Variants in KIF27 observed in about 807,000 individuals in gnomAD.
The protein encoded by KIF27 is kinesin-like protein KIF27.
Under a neutral mutation model 141.8 loss-of-function variants are expected in KIF27, and 84 were observed. The observed-to-expected ratio is 0.59, with a 90% CI of 0.50 to 0.71. The LOEUF (loss-of-function observed/expected upper bound fraction) is 0.71. Ranked by LOEUF, KIF27 falls within the 30% of genes least tolerant of loss-of-function variation. The pLI is 0.00. For synonymous variants in KIF27, 471 were observed against 569.5 expected, an observed-to-expected ratio of 0.83 and a Z score of 2.46; for missense variants, 1,306 against 1,628.4, an observed-to-expected ratio of 0.80 and a Z score of 3.41.
rs191524773 is a variant in KIF27 at position 83,836,089 on chromosome 9, C to T, written c.*912G>A. ...ATTTACAGCCCCAGTGTAGTTTGGC[C>T]GGTGTGCAAAGCCTGACTAAGGAGG... On this transcript the variant is annotated 3_prime_UTR_variant, in exon 18 of 18. Transcript: ENST00000297814. 3.0e-4 allele frequency among the ~76,000 whole-genome samples: 46 copies of T among 152,148 alleles called. No homozygotes were observed. Among genetic ancestry groups the T allele is most frequent in the Non-Finnish European group, 4.4e-4 (30 of 67,994 alleles).
chr9:83,893,158 G>C (rs1351905043), intron 5 of KIF27, among the ~76,000 whole-genome samples: 4 of 152,174 alleles, frequency 2.6e-5, no homozygotes, highest in Admixed American at 2.6e-4. Context: ...GACTGCTTGA[G>C]CCCAGGAGGT....
At chr9:83,920,258 A>G (rs1444964677) in intron 1 of KIF27, among the ~76,000 whole-genome samples, 2 of 152,236 alleles carry the variant, frequency 1.3e-5, no homozygotes, top group African/African-American at 4.8e-5. Flanking sequence ...GTCCACAAAC[A>G]TAGGGCTTGT....
chr9:83,863,644 T>G (rs1251851257), intron 13 of KIF27: 1 of 152,130 alleles, frequency 6.6e-6, no homozygotes, highest in African/African-American at 2.4e-5. Context: ...TCTCTTTTTT[T>G]GTTGTGTCTC....
chr9:83,838,113 CAA>C (rs2131438953), intron 17 of KIF27, among the ~76,000 whole-genome samples: 1 of 152,260 alleles, frequency 6.6e-6, no homozygotes, highest in Admixed American at 6.5e-5. Flanking sequence ...TATCTAATAG[CAA>C]AGACAAAAAC....
At chr9:83,914,282 T>C (rs1955479043) in intron 2 of KIF27, among the ~76,000 whole-genome samples, 1 of 151,826 alleles carries the variant, frequency 6.6e-6, no homozygotes, top group East Asian at 1.9e-4. Context: ...TTCTTTTTAT[T>C]GTAAGACGCT....
chr9:83,879,942 G>A (rs1951539230), intron 11 of KIF27, among the ~76,000 whole-genome samples: 1 of 152,148 alleles, frequency 6.6e-6, no homozygotes. Flanking sequence ...CATGGACAAC[G>A]CATGTCAAAG....
rs1947663817 is a variant in KIF27 at position 83,848,114 on chromosome 9, C to CTGATATATCATATATA, written c.3556+1984_3556+1985insTATATATGATATATCA. On this transcript the variant is annotated intron_variant, in intron 16 of 17. Transcript: ENST00000297814. ...ATATGATATATATGATATCTCATAT[C>CTGATATATCATATATA]TGATATATCTGATATCTCATATATG... is the stretch of plus-strand genomic sequence containing the variant. 1.6e-4 allele frequency among the ~76,000 whole-genome samples: 5 copies of CTGATATATCATATATA among 31,858 alleles called. 2 individuals are homozygous for CTGATATATCATATATA. The highest frequency in any genetic ancestry group is 2.7e-4 in the Non-Finnish European group (5 of 18,238). The allele number at this position is 31,858 out of a possible 152,430, so 20.9% of individuals were successfully genotyped here.
At chr9:83,909,853 A>G (rs1285727601) in intron 2 of KIF27, among the ~76,000 whole-genome samples, 1 of 152,088 alleles carries the variant, frequency 6.6e-6, no homozygotes, top group Non-Finnish European at 1.5e-5. Flanking sequence ...GCTTGAGCTA[A>G]GAAGTTTGAG....
At chr9:83,914,393 C>G (rs371416355) in intron 2 of KIF27, among the ~76,000 whole-genome samples, 2 of 152,056 alleles carry the variant, frequency 1.3e-5, no homozygotes, top group East Asian at 3.9e-4. Flanking sequence ...CCATTTTAAT[C>G]TTTGCAATAA....
chr9:83,848,464 CTATATG>C (rs1948104977), intron 16 of KIF27, among the ~76,000 whole-genome samples: 1 of 137,736 alleles, frequency 7.3e-6, no homozygotes, highest in African/African-American at 2.7e-5. Context: ...ATATCTATAT[CTATATG>C]TATATATACA....
Position 83,878,248 on chromosome 9 carries a change from A to C in KIF27, c.2643+2049T>G, listed in dbSNP as rs1951389943. On this transcript the variant is annotated intron_variant, in intron 11 of 17. Coordinates refer to ENST00000297814, the MANE Select transcript of KIF27 (RefSeq NM_017576.4). ...ATGACTATAATTAAAAAAAGGAAAG[A>C]AACAGGTGTTGACAAAAGTGAGGAG... Among the ~76,000 whole-genome samples the C allele has an allele frequency of 4.0e-5, 6 of 151,294 alleles. No homozygotes were observed. The South Asian group carries it at 1.3e-3, about 32-fold the overall frequency.
At chr9:83,853,980 C>T (rs751379277) in intron 14 of KIF27, 145 bp from the exon 15 acceptor site, 1 of 634,910 alleles carries the variant, frequency 1.6e-6, no homozygotes, top group Non-Finnish European at 2.8e-6. Context: ...TGAGCGCTTG[C>T]TATGCCACAT....
rs925252178 is a variant in KIF27, at chr9:83,917,103, G to C, written c.-87-1425C>G. Among the ~76,000 whole-genome samples, 21 of 151,828 alleles carry C rather than the reference G, an allele frequency of 1.4e-4. 1 individual carries two copies. Among genetic ancestry groups the C allele is most frequent in the Middle Eastern group, 6.8e-3 (2 of 292 alleles). On this transcript the variant is annotated intron_variant, in intron 1 of 17. Transcript: ENST00000297814. Reference sequence around the variant, plus strand: ...ACCCATTAACTTGTCATTTACATTAGGTATATCTCCTAATGCTATCCCTCC... The same window carrying C: ...ACCCATTAACTTGTCATTTACATTACGTATATCTCCTAATGCTATCCCTCC...
intron 9 of KIF27, among the ~76,000 whole-genome samples, chr9:83,885,395 T>C (rs182662739): frequency 1.3e-5 from 2 of 152,216 alleles, no homozygotes; most frequent in Admixed American, 1.3e-4. Context: ...GCCCAGCCTA[T>C]TATACTATTT....
At chr9:83,907,418 G>A (rs1173862109) in intron 3 of KIF27, among the ~76,000 whole-genome samples, 1 of 151,856 alleles carries the variant, frequency 6.6e-6, no homozygotes, top group Admixed American at 6.6e-5. Flanking sequence ...TAGGATTAAA[G>A]ATAATCTTTT....
intron 5 of KIF27, among the ~76,000 whole-genome samples, chr9:83,899,123 T>C (rs1450735982): frequency 6.6e-6 from 1 of 152,208 alleles, no homozygotes; most frequent in African/African-American, 2.4e-5. Context: ...CTTTAAATGA[T>C]ATTAACTATT....
At chr9:83,849,408 C>G (rs1033429181) in intron 16 of KIF27, 1 of 152,188 alleles carries the variant, frequency 6.6e-6, no homozygotes, top group Non-Finnish European at 1.5e-5. Flanking sequence ...CTACTTTCAG[C>G]TATGGATTCA....
intron 14 of KIF27, 70 bp from the exon 15 acceptor site, chr9:83,853,905 C>T: frequency 8.7e-7 from 1 of 1,154,730 alleles, no homozygotes; most frequent in Non-Finnish European, 1.3e-6. Flanking sequence ...TACTCAGATC[C>T]TCCTAAGCTA....
chr9:83,863,605 A>T (rs930630797), intron 13 of KIF27: 7 of 152,170 alleles, frequency 4.6e-5, no homozygotes, highest in Non-Finnish European at 1.0e-4. Context: ...TTTTTGCATC[A>T]ATGTTCATCA....
Sources: allele counts gnomAD v4.1 joint callset (sites outside exome capture counted in the v4.1 genomes callset), GRCh38; gene constraint gnomAD v4.1.1; transcripts MANE v1.5; gene names NCBI Gene and HGNC (gene_info 2026-07-23, HGNC 2026-07-21).